The following WNK2 variants were observed in gnomAD, a reference collection of about 807,000 sequenced individuals.
WNK2 encodes WNK lysine deficient protein kinase 2.
Under a neutral mutation model 192.1 loss-of-function variants are expected in WNK2, and 67 were observed. The ratio of observed to expected loss-of-function variants is 0.35; its 90% CI spans 0.29 to 0.43. The LOEUF is 0.43. Ranked by LOEUF, WNK2 falls within the 20% of genes least tolerant of loss-of-function variation. The pLI is 1.00. For synonymous variants in WNK2, 1,439 were observed against 1,393.9 expected, an observed-to-expected ratio of 1.03 and a Z score of -0.72; for missense variants, 2,698 against 3,089.7, an observed-to-expected ratio of 0.87 and a Z score of 3.01.
chr9:93,320,267 T>C, intron 29 of WNK2, 100 bp from the exon 30 acceptor site: 1 of 1,307,342 alleles, frequency 7.6e-7, no homozygotes, highest in Non-Finnish European at 1.0e-6. Context: ...TGGCGCAGCC[T>C]TCCCGTCGGC....
intron 7 of WNK2, among the ~76,000 whole-genome samples, chr9:93,246,411 C>T (rs566643000): frequency 6.6e-6 from 1 of 152,288 alleles, no homozygotes; most frequent in South Asian, 2.1e-4. Context: ...TTCACAAGTA[C>T]GCATGTGTCT....
intron 2 of WNK2, among the ~76,000 whole-genome samples, chr9:93,187,197 T>A (rs1176717409): frequency 6.6e-6 from 1 of 152,134 alleles, no homozygotes; most frequent in Non-Finnish European, 1.5e-5. Flanking sequence ...GGCTGAGGCA[T>A]CGCAGGCGCA....
At chr9:93,267,277 G>A (rs762495622) in intron 16 of WNK2, 15 of 156,846 alleles carry the variant, frequency 9.6e-5, no homozygotes, top group Admixed American at 1.2e-4. Context: ...TAACCTTCCC[G>A]TCCCCCTGTT....
intron 7 of WNK2, among the ~76,000 whole-genome samples, chr9:93,246,050 G>A (rs961697953): frequency 2.6e-5 from 4 of 152,054 alleles, no homozygotes; most frequent in South Asian, 2.1e-4. Context: ...CCTACCTGCC[G>A]CCCCCCACCT....
intron 2 of WNK2, among the ~76,000 whole-genome samples, chr9:93,187,446 A>C (rs369749107): frequency 6.6e-6 from 1 of 152,066 alleles, no homozygotes; most frequent in African/African-American, 2.4e-5. Flanking sequence ...GTTTCCCTGC[A>C]TCTCCCCCAA....
intron 2 of WNK2, among the ~76,000 whole-genome samples, chr9:93,203,037 A>T (rs1412915754): frequency 6.7e-6 from 1 of 148,620 alleles, no homozygotes; most frequent in Non-Finnish European, 1.5e-5. Flanking sequence ...GCAGTGGAGG[A>T]TGGGGGGCAT....
intron 2 of WNK2, among the ~76,000 whole-genome samples, chr9:93,210,664 G>T (rs915911195): frequency 6.6e-6 from 1 of 152,196 alleles, no homozygotes; most frequent in Non-Finnish European, 1.5e-5. Context: ...CCCTGAGCAG[G>T]TGAGGGCTCT....
chr9:93,263,970 C>T lies in WNK2; in HGVS notation c.3633C>T (p.His1211=). ...MVECQLETHN[H]KMVTFKFDLD... is the part of the protein sequence containing the mutation. ...AGTGCCAGCTGGAGACGCACAACCA[C>T]AAGATGGTGACCTTCAAGTTCGACT... is the stretch of plus-strand genomic sequence containing the variant. The change falls in exon 16 of 30, where the codon CAC becomes CAT. Residue 1211 remains histidine (H), a synonymous_variant. Transcript: ENST00000427277. 2 of 1,613,530 alleles carry T rather than the reference C, an allele frequency of 1.2e-6. No individual in the cohort carries two copies. The highest frequency in any genetic ancestry group is 1.7e-6 in the Non-Finnish European group (2 of 1,179,786).
chr9:93,309,527 A>G (rs1270890126), intron 28 of WNK2, among the ~76,000 whole-genome samples: 2 of 152,062 alleles, frequency 1.3e-5, no homozygotes, highest in East Asian at 3.8e-4. Context: ...CATAATAGCT[A>G]TTATTTTTTC....
intron 7 of WNK2, among the ~76,000 whole-genome samples, chr9:93,240,429 C>T (rs1454420465): frequency 6.6e-6 from 1 of 152,164 alleles, no homozygotes; most frequent in African/African-American, 2.4e-5. Context: ...ACTTTTCCAC[C>T]TAGAAAGGCG....
chr9:93,290,031 G>C lies in WNK2; in HGVS notation c.4920G>C (p.Thr1640=), dbSNP rs148483360. 5 of 1,574,822 alleles carry C rather than the reference G, an allele frequency of 3.2e-6. No homozygotes were observed. Residue 1640 remains threonine (T), a synonymous_variant, in exon 21 of 30, where the codon ACG becomes ACC. Transcript: ENST00000427277. ...PTRGAVMEQG[T]SSSMTAESSP... is the part of the protein sequence containing the mutation. The stretch of plus-strand genomic sequence containing the variant: ...GAGGGGCCGTGATGGAGCAGGGCAC[G>C]TCCTCGTCAATGACAGGTAACAGCT...
chr9:93,225,866 C>T (rs991233453), intron 2 of WNK2, among the ~76,000 whole-genome samples: 1 of 152,134 alleles, frequency 6.6e-6, no homozygotes, highest in Non-Finnish European at 1.5e-5. Flanking sequence ...TTCCTTCACC[C>T]CCAGGGACCT....
Position 93,290,058 on chromosome 9 carries a change from C to T in WNK2, c.4936+11C>T, listed in dbSNP as rs746310902. 2 of 1,556,082 alleles carry T rather than the reference C, an allele frequency of 1.3e-6. No homozygotes were observed. The highest frequency in any genetic ancestry group is 8.7e-7 in the Non-Finnish European group (1 of 1,149,602). On this transcript the variant is annotated intron_variant, in intron 21 of 29. Transcript: ENST00000427277. Reference sequence around the variant, plus strand: ...CCTCGTCAATGACAGGTAACAGCTTCCTGCTGAACCCTGCGTTCACAAGGT... The same window carrying T: ...CCTCGTCAATGACAGGTAACAGCTTTCTGCTGAACCCTGCGTTCACAAGGT...
intron 2 of WNK2, among the ~76,000 whole-genome samples, chr9:93,205,990 A>G (rs917934569): frequency 3.2e-4 from 49 of 151,974 alleles, no homozygotes; most frequent in Admixed American, 1.2e-3. Context: ...CCTGGAGGCA[A>G]TTGTTGTTGA....
At chr9:93,256,191 CTGGTAGGGACCA>C in intron 9 of WNK2, 96 bp from the exon 10 acceptor site, 1 of 1,304,476 alleles carries the variant, frequency 7.7e-7, no homozygotes, top group Non-Finnish European at 9.9e-7. Flanking sequence ...AAGAGGGACC[CTGGTAGGGACCA>C]GGCACAGGGA....
Position 93,306,326 on chromosome 9 carries a change from G to A in WNK2, c.6215-451G>A, listed in dbSNP as rs965428755. 6.6e-5 allele frequency among the ~76,000 whole-genome samples: 10 copies of A among 152,318 alleles called. No individual in the cohort carries two copies. The East Asian group carries it at 1.2e-3, about 18-fold the overall frequency. On this transcript the variant is annotated intron_variant, in intron 26 of 29. Coordinates refer to ENST00000427277, the MANE Select transcript of WNK2 (RefSeq NM_006648.4). ...ATCTTTTTGCACTTGGAAAACCTCC[G>A]ATGGGCTTCGGCGGCCAAGCCCAGC... is the stretch of plus-strand genomic sequence containing the variant.
intron 14 of WNK2, 41 bp from the exon 15 acceptor site, chr9:93,263,525 G>A: frequency 2.5e-6 from 4 of 1,604,492 alleles, no homozygotes; most frequent in Non-Finnish European, 2.6e-6. Flanking sequence ...CGACGTGCTG[G>A]TTGTCCTTTG....
chr9:93,269,000 A>G, intron 19 of WNK2: 1 of 1,495,382 alleles, frequency 6.7e-7, no homozygotes, highest in South Asian at 1.2e-5. Context: ...GCATGGCCAT[A>G]TAGGTGTGTG....
chr9:93,214,299 ATATT>A (rs1168612501), intron 2 of WNK2, among the ~76,000 whole-genome samples: 1 of 150,878 alleles, frequency 6.6e-6, no homozygotes, highest in Non-Finnish European at 1.5e-5. Flanking sequence ...TTATTTTTAT[ATATT>A]TATTTATTTA....
Sources: allele counts gnomAD v4.1 joint callset (sites outside exome capture counted in the v4.1 genomes callset), GRCh38; gene constraint gnomAD v4.1.1; transcripts MANE v1.5; gene names NCBI Gene and HGNC (gene_info 2026-07-23, HGNC 2026-07-21).